Variants in USH2A observed in about 807,000 individuals in gnomAD.
USH2A encodes Usher syndrome 2A (autosomal recessive, mild).
In USH2A, 443 loss-of-function variants were observed where a neutral mutation model predicts 538.9. The observed-to-expected ratio is 0.82, with a 90% CI of 0.76 to 0.89. The LOEUF is 0.89. Among genes scored for constraint, USH2A ranks in the 40% least tolerant of loss-of-function variants. USH2A has a pLI of 0.00. For synonymous variants in USH2A, 2,413 were observed against 2,273.5 expected (o/e 1.06, Z -1.75); for missense variants, 6,633 against 6,324.8 (o/e 1.05, Z -1.65).
At chr1:216,193,779 T>C (rs2034773075) in intron 19 of USH2A, among the ~76,000 whole-genome samples, 1 of 152,102 alleles carries the variant, frequency 6.6e-6, no homozygotes, top group South Asian at 2.1e-4. Flanking sequence ...AATTGTCTCC[T>C]AGAGCCTGTG....
intron 58 of USH2A, among the ~76,000 whole-genome samples, chr1:215,755,956 A>G (rs978451718): frequency 6.6e-6 from 1 of 152,194 alleles, no homozygotes; most frequent in African/African-American, 2.4e-5. Flanking sequence ...TACTAATCCA[A>G]TCCTCAGTAG....
At position 215,996,087 on chromosome 1, in the gene USH2A, T is replaced by C. The variant is rs184411312; in HGVS notation, c.6657+2800A>G. On this transcript the variant is annotated intron_variant, in intron 34 of 71. Coordinates refer to ENST00000307340, the MANE Select transcript of USH2A (RefSeq NM_206933.4). ...CACCACACCCGGCTATTCTTTGTATTTTAAGTAGAGATGGGTTTTCGCCAT... is the reference window on the plus strand; with the variant it reads ...CACCACACCCGGCTATTCTTTGTATCTTAAGTAGAGATGGGTTTTCGCCAT... Among the ~76,000 whole-genome samples the C allele has an allele frequency of 1.1e-4, 16 of 152,250 alleles. No individual in the cohort carries two copies. In the East Asian group the frequency reaches 3.1e-3, roughly 29 times the overall value.
At chr1:215,752,202 C>T (rs1217684230) in intron 58 of USH2A, among the ~76,000 whole-genome samples, 2 of 152,140 alleles carry the variant, frequency 1.3e-5, no homozygotes, top group Non-Finnish European at 2.9e-5. Context: ...AGGATATCCA[C>T]AATTTACATT....
intron 44 of USH2A, among the ~76,000 whole-genome samples, chr1:215,861,389 G>A (rs1664307710): frequency 6.6e-6 from 1 of 152,216 alleles, no homozygotes; most frequent in African/African-American, 2.4e-5. Flanking sequence ...CGAAGCTGGT[G>A]AAACCTAAAA....
At position 216,198,382 on chromosome 1, in the gene USH2A, T is replaced by A. The variant is rs1216480885; in HGVS notation, c.4014A>T (p.Arg1338Ser). ...TTCCAGCCATATTCACAGCTAAGAC[T>A]CTGAACTCATACTTGGTGTATGGCT... The part of the protein sequence containing the change: ...GLEPYTKYEF[R>S]VLAVNMAGSV... The change falls in exon 18 of 72, where the codon AGA becomes AGT. Residue 1338 changes from arginine (R) to serine (S), a missense_variant. Arg to Ser is a moderately radical substitution (Grantham distance 110). Coordinates refer to ENST00000307340, the MANE Select transcript of USH2A (RefSeq NM_206933.4). The A allele has an allele frequency of 3.7e-6, 6 of 1,613,992 alleles. No homozygotes were observed.
At chr1:216,362,404 A>C (rs1327397847) in intron 4 of USH2A, among the ~76,000 whole-genome samples, 2 of 152,130 alleles carry the variant, frequency 1.3e-5, no homozygotes, top group Non-Finnish European at 2.9e-5. Flanking sequence ...CACTTAGAGG[A>C]ATGTCAAGGG....
intron 4 of USH2A, among the ~76,000 whole-genome samples, chr1:216,345,234 T>C (rs1382557552): frequency 6.6e-6 from 1 of 152,070 alleles, no homozygotes; most frequent in Non-Finnish European, 1.5e-5. Flanking sequence ...AGACCACATG[T>C]TGAAACTTCT....
chr1:215,629,114 AT>A (rs1656174303), intron 70 of USH2A, 79 bp from the exon 71 acceptor site: 17 of 1,381,428 alleles, frequency 1.2e-5, no homozygotes, highest in Non-Finnish European at 1.8e-5. Flanking sequence ...TGTCTCACAC[AT>A]TGTCAGTGAA....
At chr1:216,188,580 T>C (rs964097869) in intron 20 of USH2A, among the ~76,000 whole-genome samples, 10 of 151,868 alleles carry the variant, frequency 6.6e-5, no homozygotes, top group Non-Finnish European at 1.3e-4. Flanking sequence ...ATAAGAATGT[T>C]GAGTAGAAGT....
At chr1:215,871,424 T>G (rs757549908) in intron 43 of USH2A, among the ~76,000 whole-genome samples, 2 of 152,198 alleles carry the variant, frequency 1.3e-5, no homozygotes, top group African/African-American at 2.4e-5. Context: ...AAGCACTCAG[T>G]CTCAAAAATT....
intron 47 of USH2A, among the ~76,000 whole-genome samples, chr1:215,829,217 G>A (rs1663245530): frequency 6.6e-6 from 1 of 152,126 alleles, no homozygotes; most frequent in Non-Finnish European, 1.5e-5. Flanking sequence ...AACTAGAAGG[G>A]TCCATTTGAT....
intron 32 of USH2A, among the ~76,000 whole-genome samples, chr1:216,027,822 G>C (rs958946550): frequency 1.1e-4 from 17 of 152,146 alleles, no homozygotes; most frequent in African/African-American, 3.6e-4. Context: ...ATGCACTAAA[G>C]ATATCAATGT....
chr1:216,011,300 G>A (rs534332433), intron 32 of USH2A, among the ~76,000 whole-genome samples: 1 of 151,902 alleles, frequency 6.6e-6, no homozygotes, highest in Non-Finnish European at 1.5e-5. Context: ...GCCTCTCTTT[G>A]CTTTCACTTG....
At chr1:215,676,179 A>G (rs10779658) in intron 62 of USH2A, among the ~76,000 whole-genome samples, 32,915 of 151,908 alleles carry the variant, frequency 0.22, 3,896 homozygotes, top group South Asian at 0.41. Flanking sequence ...ACATATATAT[A>G]CATGTACATA....
intron 13 of USH2A, among the ~76,000 whole-genome samples, chr1:216,233,680 AT>A (rs200292718): frequency 3.3e-5 from 5 of 151,984 alleles, no homozygotes; most frequent in South Asian, 2.1e-4. Context: ...TAAAACTCAT[AT>A]TTTTTTTCTT....
At chr1:216,063,566 G>GA (rs989734944) in intron 30 of USH2A, among the ~76,000 whole-genome samples, 6 of 152,056 alleles carry the variant, frequency 3.9e-5, no homozygotes, top group Admixed American at 6.5e-5. Context: ...GAAATGTAGT[G>GA]AAAAAATCAC....
intron 32 of USH2A, among the ~76,000 whole-genome samples, chr1:216,037,509 T>C (rs1399669859): frequency 6.6e-6 from 1 of 152,134 alleles, no homozygotes. Flanking sequence ...GTTCTTTGTT[T>C]TCAGGATTGT....
intron 51 of USH2A, 100 bp downstream of exon 51, chr1:215,789,959 C>T (rs1661933384): frequency 1.8e-6 from 2 of 1,109,988 alleles, no homozygotes; most frequent in Admixed American, 4.0e-5. Context: ...ATAATGCACA[C>T]AGGAGTTTTT....
chr1:216,348,075 T>A (rs943472706), intron 4 of USH2A, among the ~76,000 whole-genome samples: 1 of 152,304 alleles, frequency 6.6e-6, no homozygotes, highest in Admixed American at 6.5e-5. Context: ...TTTTAAGCTA[T>A]TTACAGCTTT....
Sources: gnomAD v4.1 joint callset for allele counts (sites outside exome capture counted in the v4.1 genomes callset) on GRCh38, gnomAD v4.1.1 for gene constraint, MANE v1.5 for transcripts, NCBI Gene and HGNC (gene_info 2026-07-23, HGNC 2026-07-21) for gene names.